The following OCIAD2 variants were observed in gnomAD, a reference collection of about 807,000 sequenced individuals.
The protein encoded by OCIAD2 is OCIA domain containing 2, also known as OCIA domain-containing protein 2.
In OCIAD2, 29 loss-of-function variants were observed where a neutral mutation model predicts 22.9. The ratio of observed to expected loss-of-function variants is 1.27; its 90% CI spans 0.94 to 1.73. The LOEUF (loss-of-function observed/expected upper bound fraction) is 1.73. OCIAD2 is among the 40% of genes most tolerant of loss of function. The pLI, the probability that OCIAD2 is intolerant of heterozygous loss-of-function variation, is 0.00. For synonymous variants in OCIAD2, 67 were observed against 60.2 expected (o/e 1.11, Z -0.52); for missense variants, 189 against 180.3 (o/e 1.05, Z -0.28).
chr4:48,885,951 C>T (rs4695411), intron 6 of OCIAD2, among the ~76,000 whole-genome samples: 140,770 of 152,292 alleles, frequency 0.92, 65,091 homozygotes, highest in East Asian at 1. Context: ...TTGTCAATTT[C>T]GGCCTTTGTT....
intron 2 of OCIAD2, among the ~76,000 whole-genome samples, chr4:48,903,968 T>C (rs1781473179): frequency 6.6e-6 from 1 of 151,332 alleles, no homozygotes; most frequent in Non-Finnish European, 1.5e-5. Context: ...GTAAATAAAA[T>C]TTTAAATTTT....
intron 6 of OCIAD2, among the ~76,000 whole-genome samples, chr4:48,891,760 G>A (rs1781184189): frequency 1.3e-5 from 2 of 152,226 alleles, no homozygotes. Context: ...AGGATGGACT[G>A]AAGTTGGTGT....
Position 48,896,998 on chromosome 4 carries a change from C to T in OCIAD2, c.217+806G>A, listed in dbSNP as rs560092434. 3.9e-5 allele frequency among the ~76,000 whole-genome samples: 6 copies of T among 152,224 alleles called. No individual in the cohort carries two copies. The South Asian group carries it at 1.0e-3, about 26-fold the overall frequency. On this transcript the variant is annotated intron_variant, in intron 4 of 6. Coordinates refer to ENST00000508632, the MANE Select transcript of OCIAD2 (RefSeq NM_001014446.3). ...GATGCAAGGCAGCTGCTGGTCCTTA[C>T]GGTCTCTTGTATGGAGGAGACAGGG...
intron 2 of OCIAD2, among the ~76,000 whole-genome samples, chr4:48,902,506 CAGG>C (rs1781437538): frequency 6.6e-6 from 1 of 152,214 alleles, no homozygotes; most frequent in South Asian, 2.1e-4. Context: ...GTCACAGCAG[CAGG>C]AGAAGGAGTT....
intron 6 of OCIAD2, among the ~76,000 whole-genome samples, chr4:48,889,621 G>A (rs938110485): frequency 2.0e-5 from 3 of 152,222 alleles, no homozygotes; most frequent in Non-Finnish European, 4.4e-5. Flanking sequence ...TGCTGGAGAG[G>A]ATGTGGAGAA....
At chr4:48,900,868 A>T (rs147650913) in intron 2 of OCIAD2, among the ~76,000 whole-genome samples, 5 of 152,262 alleles carry the variant, frequency 3.3e-5, no homozygotes, top group African/African-American at 9.6e-5. Flanking sequence ...TGCTAGGATT[A>T]CAGGCGTAAG....
intron 6 of OCIAD2, among the ~76,000 whole-genome samples, chr4:48,887,609 T>G (rs1326695796): frequency 6.6e-6 from 1 of 152,164 alleles, no homozygotes; most frequent in African/African-American, 2.4e-5. Flanking sequence ...TTTCCCCATT[T>G]CTTGTTTTTT....
At chr4:48,891,048 A>T (rs1169303881) in intron 6 of OCIAD2, among the ~76,000 whole-genome samples, 1 of 152,076 alleles carries the variant, frequency 6.6e-6, no homozygotes, top group African/African-American at 2.4e-5. Context: ...CATAGGATGT[A>T]TTTATGGTTC....
At chr4:48,898,138 C>T (rs923895247) in intron 3 of OCIAD2, among the ~76,000 whole-genome samples, 2 of 152,182 alleles carry the variant, frequency 1.3e-5, no homozygotes, top group African/African-American at 4.8e-5. Flanking sequence ...GCACCAGATT[C>T]TAAGCACTAC....
intron 6 of OCIAD2, among the ~76,000 whole-genome samples, chr4:48,890,163 A>C (rs1781126374): frequency 6.6e-6 from 1 of 151,684 alleles, no homozygotes; most frequent in Admixed American, 6.6e-5. Context: ...GTAAATGATG[A>C]GTTAATGGGT....
In OCIAD2 at chr4:48,894,032, C is replaced by A. The variant is rs1356897787; in HGVS notation, c.239G>T (p.Arg80Ile). 1.3e-6 allele frequency: 2 copies of A among 1,504,616 alleles called. No homozygotes were observed. Among genetic ancestry groups the A allele is most frequent in the African/African-American group, 1.4e-5 (1 of 71,880 alleles). 93.2% of individuals were successfully genotyped at this position (1,504,616 alleles called of 1,614,324 possible). A position where few individuals can be genotyped will look rare whatever the true frequency, so the allele number is the denominator to read the frequency against. Residue 80 changes from arginine (R) to isoleucine (I), a missense_variant, in exon 5 of 7, where the codon AGA becomes ATA. Transcript: ENST00000508632. ...VYQGYLAANS[R>I]FGSLPKVALA... ...TGCAACTTTGGGCAATGATCCAAAT[C>A]TAGAATTAGCTGCCAAATAACCTAA... is the stretch of plus-strand genomic sequence containing the variant.
At chr4:48,897,165 GC>G (rs1560459855) in intron 4 of OCIAD2, 1 of 153,250 alleles carries the variant, frequency 6.5e-6, no homozygotes, top group East Asian at 1.9e-4. Flanking sequence ...ATATACAGAG[GC>G]CTTGGGAGAC....
chr4:48,897,881 A>G (rs1178615411), intron 3 of OCIAD2, 24 bp from the exon 4 acceptor site: 4 of 1,594,148 alleles, frequency 2.5e-6, no homozygotes, highest in Non-Finnish European at 3.4e-6. Context: ...ATGTCCTTCA[A>G]TATTGGTATT....
At position 48,904,509 on chromosome 4, in the gene OCIAD2, G is replaced by A. The variant is rs1388751049; in HGVS notation, c.41C>T (p.Ala14Val). The A allele has an allele frequency of 1.2e-6, 2 of 1,614,004 alleles. No homozygotes were observed. Among genetic ancestry groups the A allele is most frequent in the Non-Finnish European group, 1.7e-6 (2 of 1,179,938 alleles). Reference protein sequence around the residue: ...ASARGNQDKDAHFPPPSKQSL... With the variant: ...ASARGNQDKDVHFPPPSKQSL... ...CTGCTTGCTTGGTGGTGGAAAATGG[G>A]CATCTTTATCTTGGTTTCCACGAGC... Residue 14 changes from alanine to valine, a missense_variant, in exon 2 of 7, where the codon GCC becomes GTC. Physicochemically the swap from Ala to Val is moderately conservative, Grantham distance 64. Transcript: ENST00000508632.
Position 48,885,449 on chromosome 4 carries a change from G to A in OCIAD2, c.*35C>T, listed in dbSNP as rs759754755. The A allele has an allele frequency of 2.2e-5, 25 of 1,122,616 alleles. No individual in the cohort carries two copies. Among genetic ancestry groups the A allele is most frequent in the Non-Finnish European group, 3.4e-5 (25 of 738,294 alleles). The allele number at this position is 1,122,616 out of a possible 1,614,324, so 69.5% of individuals were successfully genotyped here. A position where few individuals can be genotyped will look rare whatever the true frequency, so the allele number is the denominator to read the frequency against. ...AATTTTAAATGTGTACAAATTCAGA[G>A]GTTTAAAAAACTTCGAAAGTCACAG... On this transcript the variant is annotated 3_prime_UTR_variant, in exon 7 of 7. Transcript: ENST00000508632.
intron 1 of OCIAD2, among the ~76,000 whole-genome samples, chr4:48,905,371 T>A (rs1781502086): frequency 6.6e-6 from 1 of 150,800 alleles, no homozygotes. Context: ...CTAAAAACAG[T>A]ACTGGAGAAT....
intron 6 of OCIAD2, among the ~76,000 whole-genome samples, chr4:48,890,130 T>A (rs1266698905): frequency 1.4e-5 from 2 of 145,384 alleles, no homozygotes; most frequent in Non-Finnish European, 3.0e-5. Context: ...GGGGAAGAGA[T>A]AGCATTAGGA....
chr4:48,894,160 A>T, intron 4 of OCIAD2, 107 bp from the exon 5 acceptor site: 1 of 536,086 alleles, frequency 1.9e-6, no homozygotes. Context: ...AAAATTTAAG[A>T]CATAAAATTT....
At chr4:48,892,739 C>T (rs773915663) in intron 6 of OCIAD2, 33 bp downstream of exon 6, 10 of 1,007,200 alleles carry the variant, frequency 9.9e-6, no homozygotes, top group Non-Finnish European at 1.4e-5. Context: ...CTTATAATTA[C>T]ATTACAATCC....
Sources: allele counts gnomAD v4.1 joint callset (sites outside exome capture counted in the v4.1 genomes callset), GRCh38; gene constraint gnomAD v4.1.1; transcripts MANE v1.5; gene names NCBI Gene and HGNC (gene_info 2026-07-23, HGNC 2026-07-21).